The following DPH6 variants were observed in gnomAD, a reference collection of about 807,000 sequenced individuals.
The protein encoded by DPH6 is diphthamine biosynthesis 6.
DPH6 carries 33 observed loss-of-function variants against 38.2 expected under a neutral mutation model. The observed-to-expected ratio is 0.86, with a 90% CI of 0.65 to 1.15. DPH6 has a LOEUF of 1.15. Ranked by LOEUF, DPH6 falls within the 50% of genes most tolerant of loss-of-function variation. The pLI, the probability that DPH6 is intolerant of heterozygous loss-of-function variation, is 0.00. For synonymous variants in DPH6, 108 were observed against 103.0 expected, an observed-to-expected ratio of 1.05 and a Z score of -0.30; for missense variants, 325 against 320.0, an observed-to-expected ratio of 1.02 and a Z score of -0.12.
At chr15:35,171,540 G>A in the DPH6 span, among the ~76,000 whole-genome samples, 1 of 152,096 alleles carries the variant, frequency 6.6e-6, no homozygotes, top group Non-Finnish European at 1.5e-5. Context: ...TAAACTAGGG[G>A]TTATAGATGT....
At chr15:35,425,914 C>T (rs1595552922) in intron 5 of DPH6, among the ~76,000 whole-genome samples, 1 of 150,760 alleles carries the variant, frequency 6.6e-6, no homozygotes, top group African/African-American at 2.4e-5. Flanking sequence ...GCCTGCCTTA[C>T]CCAGTGAAGA....
intron 3 of DPH6, chr15:35,299,028 C>A: frequency 2.8e-6 from 2 of 726,270 alleles, no homozygotes; most frequent in South Asian, 1.6e-5. Context: ...TGCATCATGT[C>A]TGTATTTATG....
chr15:35,398,298 G>A (rs1030753588), intron 6 of DPH6, among the ~76,000 whole-genome samples: 1 of 152,118 alleles, frequency 6.6e-6, no homozygotes, highest in Non-Finnish European at 1.5e-5. Flanking sequence ...GCCTTGGGAT[G>A]GGCAATGGTT....
chr15:35,389,240 T>C (rs1181527576), intron 6 of DPH6, among the ~76,000 whole-genome samples: 1 of 152,170 alleles, frequency 6.6e-6, no homozygotes, highest in African/African-American at 2.4e-5. Flanking sequence ...TTACATTTGC[T>C]GAGGAGTGCT....
At chr15:35,344,641 A>G (rs2052447383) in intron 3 of DPH6, among the ~76,000 whole-genome samples, 1 of 151,966 alleles carries the variant, frequency 6.6e-6, no homozygotes, top group Non-Finnish European at 1.5e-5. Context: ...GATATAATAC[A>G]TTGTATTTCC....
chr15:35,503,173 CTTTA>C (rs1240065305), intron 3 of DPH6, among the ~76,000 whole-genome samples: 2 of 151,812 alleles, frequency 1.3e-5, no homozygotes, highest in Non-Finnish European at 2.9e-5. Context: ...TCCTAGAATG[CTTTA>C]TTTATATATT....
downstream of DPH6, among the ~76,000 whole-genome samples, chr15:35,326,110 C>T (rs972665116): frequency 2.0e-5 from 3 of 152,140 alleles, no homozygotes; most frequent in Non-Finnish European, 4.4e-5. Context: ...GAAATTGGCA[C>T]TATGAGTTTA....
chr15:35,474,457 A>G (rs1374254247), intron 3 of DPH6, among the ~76,000 whole-genome samples: 5 of 152,290 alleles, frequency 3.3e-5, no homozygotes, highest in East Asian at 1.9e-4. Context: ...ACCAATAGCC[A>G]TAACAGCAAG....
chr15:35,278,034 A>C (rs1197997790), intron 3 of DPH6, among the ~76,000 whole-genome samples: 1 of 152,242 alleles, frequency 6.6e-6, no homozygotes, highest in Non-Finnish European at 1.5e-5. Flanking sequence ...TGGAGGAACC[A>C]CTTGCTAAAG....
At chr15:35,305,850 C>T (rs915601240) in intron 3 of DPH6, among the ~76,000 whole-genome samples, 1 of 152,072 alleles carries the variant, frequency 6.6e-6, no homozygotes, top group African/African-American at 2.4e-5. Flanking sequence ...AAAGCTAAAT[C>T]GAGTCTTATA....
At chr15:35,526,493 G>A (rs1174188655) in intron 3 of DPH6, among the ~76,000 whole-genome samples, 1 of 152,140 alleles carries the variant, frequency 6.6e-6, no homozygotes, top group East Asian at 1.9e-4. Context: ...AAGTGACCAC[G>A]TGGCTCAGCA....
At chr15:35,294,249 A>G (rs1478543886) in intron 3 of DPH6, among the ~76,000 whole-genome samples, 1 of 152,188 alleles carries the variant, frequency 6.6e-6, no homozygotes, top group Non-Finnish European at 1.5e-5. Flanking sequence ...CAGTCCTTGA[A>G]GAACTATAAC....
intron 5 of DPH6, among the ~76,000 whole-genome samples, 164 bp downstream of exon 5, chr15:35,450,521 C>T (rs1270836824): frequency 6.7e-6 from 1 of 148,932 alleles, no homozygotes; most frequent in East Asian, 2.0e-4. Flanking sequence ...CACTTTAAAA[C>T]TTCCTTTTCT....
Position 35,221,312 on chromosome 15 carries a change from C to T in DPH6, n.201-730G>A, listed in dbSNP as rs146533849. On this transcript the variant is annotated intron_variant and non_coding_transcript_variant, in intron 3 of 3. Transcript: ENST00000560386. ...TAGTTCTGGGGTCTTAGGGGTGGCC[C>T]TATTCCCATGGCTCCACTAAGAACT... Among the ~76,000 whole-genome samples the T allele has an allele frequency of 2.6e-5, 4 of 152,236 alleles. No homozygotes were observed. In the East Asian group the frequency reaches 7.7e-4, roughly 29 times the overall value.
intron 2 of DPH6, among the ~76,000 whole-genome samples, chr15:35,539,568 C>T (rs1423748447): frequency 1.3e-5 from 2 of 151,644 alleles, no homozygotes; most frequent in African/African-American, 4.8e-5. Flanking sequence ...CCACAGAACA[C>T]GTAAATTTAA....
chr15:35,250,187 AAAAAAACAAAAAAC>A (rs764516973), intron 3 of DPH6, among the ~76,000 whole-genome samples: 7 of 151,684 alleles, frequency 4.6e-5, no homozygotes, highest in African/African-American at 1.2e-4. Context: ...CAAAAAAACC[AAAAAAACAAAAAAC>A]AAAAAACAAA....
intron 3 of DPH6, among the ~76,000 whole-genome samples, chr15:35,277,186 T>C (rs570175790): frequency 1.3e-5 from 2 of 152,244 alleles, no homozygotes; most frequent in East Asian, 1.9e-4. Flanking sequence ...TTTTCAGTTA[T>C]TGTAAAAGGG....
chr15:35,247,386 T>C (rs1490503630), intron 3 of DPH6, among the ~76,000 whole-genome samples: 4 of 152,210 alleles, frequency 2.6e-5, no homozygotes, highest in Non-Finnish European at 4.4e-5. Flanking sequence ...AGTTGGATTA[T>C]TGATTTTGTT....
intron 3 of DPH6, among the ~76,000 whole-genome samples, chr15:35,351,701 T>C (rs2052512432): frequency 1.3e-5 from 2 of 151,896 alleles, no homozygotes; most frequent in African/African-American, 2.4e-5. Flanking sequence ...ACACATTTTA[T>C]GTAATTGATG....
Sources: allele counts gnomAD v4.1 joint callset (sites outside exome capture counted in the v4.1 genomes callset), GRCh38; gene constraint gnomAD v4.1.1; transcripts MANE v1.5; gene names NCBI Gene and HGNC (gene_info 2026-07-23, HGNC 2026-07-21).